The following NET1 variants were observed in gnomAD, a reference collection of about 807,000 sequenced individuals.
NET1 encodes the protein neuroepithelial cell-transforming gene 1 protein.
Under a neutral mutation model 61.1 loss-of-function variants are expected in NET1, and 42 were observed. The ratio of observed to expected loss-of-function variants is 0.69; its 90% CI spans 0.54 to 0.89. The LOEUF is 0.89. NET1 is among the 40% of genes least tolerant of loss of function. The probability of loss-of-function intolerance (pLI) is 0.00; values close to 1 mark genes in which losing one functional copy is unlikely to be tolerated. For synonymous variants in NET1, 254 were observed against 281.8 expected, an observed-to-expected ratio of 0.90 and a Z score of 0.99; for missense variants, 654 against 747.3, an observed-to-expected ratio of 0.88 and a Z score of 1.46.
chr10:5,422,594 A>C lies in NET1; in HGVS notation c.129-4061A>C, dbSNP rs946561568. ...GTGGGCAAGGCCTGAGAATTAATGC[A>C]GGACATTAGGATGTCTGGGGTGCTT... On this transcript the variant is annotated intron_variant, in intron 1 of 11. Coordinates refer to ENST00000355029, the MANE Select transcript of NET1 (RefSeq NM_001047160.3). The surrounding 1 kb of genome is among the most constrained non-coding windows in gnomAD (Gnocchi z 4.1). 3.3e-5 allele frequency among the ~76,000 whole-genome samples: 5 copies of C among 152,162 alleles called. No homozygotes were observed. Among genetic ancestry groups the C allele is most frequent in the Admixed American group, 1.3e-4 (2 of 15,286 alleles).
rs1832344406 is a variant in NET1, at chr10:5,431,183, C to T, written c.255+1954C>T. Reference sequence around the variant, plus strand: ...ACCGCGCCCGGCCTTAACTATATCTCTTAAGTCTCTTTTAGTTCATTGGTT... The same window carrying T: ...ACCGCGCCCGGCCTTAACTATATCTTTTAAGTCTCTTTTAGTTCATTGGTT... On this transcript the variant is annotated intron_variant, in intron 3 of 11. Transcript: ENST00000355029. The surrounding 1 kb of genome is among the most constrained non-coding windows in gnomAD (Gnocchi z 4.9). Among the ~76,000 whole-genome samples the T allele has an allele frequency of 6.6e-6, 1 of 152,152 alleles. No homozygotes were observed. Among genetic ancestry groups the T allele is most frequent in the Non-Finnish European group, 1.5e-5 (1 of 68,034 alleles).
rs1011493584 is a variant in NET1 at position 5,427,729 on chromosome 10, A to G, written c.195+1008A>G. Among the ~76,000 whole-genome samples the G allele has an allele frequency of 1.3e-5, 2 of 152,172 alleles. No homozygotes were observed. The highest frequency in any genetic ancestry group is 2.4e-5 in the African/African-American group (1 of 41,438). ...CATTTTCCTAATGTCTTTTAGCTCA[A>G]TTCAAAACAGTGTGTTATAATTTTG... On this transcript the variant is annotated intron_variant, in intron 2 of 11. Coordinates refer to ENST00000355029, the MANE Select transcript of NET1 (RefSeq NM_001047160.3). The surrounding 1 kb of genome is among the most constrained non-coding windows in gnomAD (Gnocchi z 4.1).
In NET1 at chr10:5,415,353, G is replaced by T. The variant is rs1832061769; in HGVS notation, c.128+2533G>T. Among the ~76,000 whole-genome samples the T allele has an allele frequency of 6.6e-6, 1 of 151,956 alleles. No individual in the cohort carries two copies. Among genetic ancestry groups the T allele is most frequent in the Admixed American group, 6.6e-5 (1 of 15,266 alleles). On this transcript the variant is annotated intron_variant, in intron 1 of 11. Transcript: ENST00000355029. This position sits in a 1 kb window ranked among gnomAD's most constrained non-coding sequence, Gnocchi z 4.7. ...TTCTGCCCTAAAACCTAATCTGTCG[G>T]TCTGTAGGAATTTCTCTGTTCTGGA...
chr10:5,419,394 A>G (rs891021972), intron 1 of NET1, among the ~76,000 whole-genome samples: 6 of 152,098 alleles, frequency 3.9e-5, no homozygotes, highest in Non-Finnish European at 8.8e-5. Context: ...GTTTACTCCA[A>G]TCACATTTAA....
chr10:5,439,978 G>T lies in NET1; in HGVS notation c.255+10749G>T, dbSNP rs1019741924. On this transcript the variant is annotated intron_variant, in intron 3 of 11. Coordinates refer to ENST00000355029, the MANE Select transcript of NET1 (RefSeq NM_001047160.3). This position sits in a 1 kb window ranked among gnomAD's most constrained non-coding sequence, Gnocchi z 4.8. ...CTAGCACTGTGCCTAGAAGATGCAAGGTGCAACACCTGTCCTTTCCTGTAG... is the reference window on the plus strand; with the variant it reads ...CTAGCACTGTGCCTAGAAGATGCAATGTGCAACACCTGTCCTTTCCTGTAG... Among the ~76,000 whole-genome samples the T allele has an allele frequency of 6.6e-6, 1 of 152,204 alleles. No homozygotes were observed. The highest frequency in any genetic ancestry group is 1.5e-5 in the Non-Finnish European group (1 of 68,028).
Position 5,427,081 on chromosome 10 carries a change from T to C in NET1, c.195+360T>C, listed in dbSNP as rs1386334024. On this transcript the variant is annotated intron_variant, in intron 2 of 11. Transcript: ENST00000355029. The surrounding 1 kb of genome is among the most constrained non-coding windows in gnomAD (Gnocchi z 4.1). Reference sequence around the variant, plus strand: ...TCTTGGTTGAAAATATAAAAATGCTTGATTGCACATTGTGTATATATATTT... The same window carrying C: ...TCTTGGTTGAAAATATAAAAATGCTCGATTGCACATTGTGTATATATATTT... Among the ~76,000 whole-genome samples the C allele has an allele frequency of 6.6e-6, 1 of 151,960 alleles. No homozygotes were observed. The highest frequency in any genetic ancestry group is 6.6e-5 in the Admixed American group (1 of 15,242).
intron 1 of NET1, among the ~76,000 whole-genome samples, chr10:5,414,920 A>G (rs1564456321): frequency 6.6e-6 from 1 of 152,320 alleles, no homozygotes; most frequent in East Asian, 1.9e-4. Flanking sequence ...TGTGTGAGGT[A>G]GGAAATGATA....
chr10:5,426,581 G>T lies in NET1; in HGVS notation c.129-74G>T. On this transcript the variant is annotated intron_variant, in intron 1 of 11. Coordinates refer to ENST00000355029, the MANE Select transcript of NET1 (RefSeq NM_001047160.3). This position sits in a 1 kb window ranked among gnomAD's most constrained non-coding sequence, Gnocchi z 4.6. ...CGGTTTTGAAAGTATGAAAAGTATA[G>T]CTTTTTATCTGTTTGATGCTCTATT... is the stretch of plus-strand genomic sequence containing the variant. 1 of 1,193,024 alleles carries T rather than the reference G, an allele frequency of 8.4e-7. No individual in the cohort carries two copies. The allele number at this position is 1,193,024 out of a possible 1,614,324, so 73.9% of individuals were successfully genotyped here. A position where few individuals can be genotyped will look rare whatever the true frequency, so the allele number is the denominator to read the frequency against.
rs1414582532 is a variant in NET1, at chr10:5,420,269, G to T, written c.129-6386G>T. Among the ~76,000 whole-genome samples, 1 of 152,184 alleles carries T rather than the reference G, an allele frequency of 6.6e-6. No homozygotes were observed. Among genetic ancestry groups the T allele is most frequent in the African/African-American group, 2.4e-5 (1 of 41,444 alleles). On this transcript the variant is annotated intron_variant, in intron 1 of 11. Transcript: ENST00000355029. The surrounding 1 kb of genome is among the most constrained non-coding windows in gnomAD (Gnocchi z 5.3). Reference sequence around the variant, plus strand: ...CAAGTATACATGGATGTATGTACAAGAAAGTATATCCTAGCACATTTGTGT... The same window carrying T: ...CAAGTATACATGGATGTATGTACAATAAAGTATATCCTAGCACATTTGTGT...
chr10:5,416,892 G>C lies in NET1; in HGVS notation c.128+4072G>C, dbSNP rs1161963502. Among the ~76,000 whole-genome samples the C allele has an allele frequency of 6.6e-6, 1 of 152,162 alleles. No homozygotes were observed. The highest frequency in any genetic ancestry group is 2.4e-5 in the African/African-American group (1 of 41,442). ...CTCTTAGTTTAGCCATCCGTAGGCGGCTTGTATTCATCAGCTCAGTTAGAC... is the reference window on the plus strand; with the variant it reads ...CTCTTAGTTTAGCCATCCGTAGGCGCCTTGTATTCATCAGCTCAGTTAGAC... On this transcript the variant is annotated intron_variant, in intron 1 of 11. Coordinates refer to ENST00000355029, the MANE Select transcript of NET1 (RefSeq NM_001047160.3). This position sits in a 1 kb window ranked among gnomAD's most constrained non-coding sequence, Gnocchi z 6.1.
At chr10:5,438,103 T>C (rs903651646) in intron 3 of NET1, among the ~76,000 whole-genome samples, 3 of 152,196 alleles carry the variant, frequency 2.0e-5, no homozygotes, top group Admixed American at 6.5e-5. Flanking sequence ...AAAGCATTGC[T>C]GAGAGAGAAA....
In NET1 at chr10:5,424,097, T is replaced by G. The variant is rs1832222074; in HGVS notation, c.129-2558T>G. On this transcript the variant is annotated intron_variant, in intron 1 of 11. Coordinates refer to ENST00000355029, the MANE Select transcript of NET1 (RefSeq NM_001047160.3). This position sits in a 1 kb window ranked among gnomAD's most constrained non-coding sequence, Gnocchi z 6.1. ...CAAATGCATTCTGAGGTTAGTGTGG[T>G]CATTTCTAGGGAATAAAGAAATTAG... is the stretch of plus-strand genomic sequence containing the variant. Among the ~76,000 whole-genome samples, 1 of 152,212 alleles carries G rather than the reference T, an allele frequency of 6.6e-6. No individual in the cohort carries two copies. The highest frequency in any genetic ancestry group is 1.5e-5 in the Non-Finnish European group (1 of 68,030).
intron 3 of NET1, among the ~76,000 whole-genome samples, chr10:5,450,255 T>C (rs1254474488): frequency 2.6e-5 from 4 of 152,254 alleles, no homozygotes; most frequent in Non-Finnish European, 5.9e-5. Flanking sequence ...CCTTCAGATT[T>C]CCAAATTCTT....
At position 5,457,093 on chromosome 10, in the gene NET1, C is replaced by A. The variant is rs1258083853; in HGVS notation, c.*99C>A. On this transcript the variant is annotated 3_prime_UTR_variant, in exon 12 of 12. Transcript: ENST00000355029. This position sits in a 1 kb window ranked among gnomAD's most constrained non-coding sequence, Gnocchi z 5.4. Reference sequence around the variant, plus strand: ...GGGAGCATCATAGGGTTACTTTATACCAGTTGTAACATTTTCATTGTTTTT... The same window carrying A: ...GGGAGCATCATAGGGTTACTTTATAACAGTTGTAACATTTTCATTGTTTTT... 1 of 1,160,462 alleles carries A rather than the reference C, an allele frequency of 8.6e-7. No individual in the cohort carries two copies. Among genetic ancestry groups the A allele is most frequent in the Non-Finnish European group, 1.2e-6 (1 of 860,178 alleles). The allele number at this position is 1,160,462 out of a possible 1,614,324, so 71.9% of individuals were successfully genotyped here.
Position 5,416,914 on chromosome 10 carries a change from A to G in NET1, c.128+4094A>G, listed in dbSNP as rs1325223034. On this transcript the variant is annotated intron_variant, in intron 1 of 11. Transcript: ENST00000355029. This position sits in a 1 kb window ranked among gnomAD's most constrained non-coding sequence, Gnocchi z 6.1. Reference sequence around the variant, plus strand: ...GCGGCTTGTATTCATCAGCTCAGTTAGACCCCTGCCTTATTTCAAGGACAG... The same window carrying G: ...GCGGCTTGTATTCATCAGCTCAGTTGGACCCCTGCCTTATTTCAAGGACAG... Among the ~76,000 whole-genome samples the G allele has an allele frequency of 6.6e-6, 1 of 152,160 alleles. No homozygotes were observed. Among genetic ancestry groups the G allele is most frequent in the Non-Finnish European group, 1.5e-5 (1 of 68,024 alleles).
rs1832198947 is a variant in NET1, at chr10:5,422,901, A to C, written c.129-3754A>C. The stretch of plus-strand genomic sequence containing the variant: ...TTTGTTTTTGCCTGATTTGCAAAGA[A>C]ATTGAGAACCTCAGTTGCTTGGCAC... On this transcript the variant is annotated intron_variant, in intron 1 of 11. Transcript: ENST00000355029. The surrounding 1 kb of genome is among the most constrained non-coding windows in gnomAD (Gnocchi z 4.1). Among the ~76,000 whole-genome samples, 1 of 152,226 alleles carries C rather than the reference A, an allele frequency of 6.6e-6. No individual in the cohort carries two copies. Among genetic ancestry groups the C allele is most frequent in the Admixed American group, 6.5e-5 (1 of 15,286 alleles).
rs71388435 is a variant in NET1 at position 5,435,474 on chromosome 10, GAGAT to G, written c.255+6301_255+6304del. Among the ~76,000 whole-genome samples the G allele has an allele frequency of 4.5e-3, 645 of 142,834 alleles. 10 individuals are homozygous for G. Among genetic ancestry groups the G allele is most frequent in the African/African-American group, 0.015 (568 of 37,636 alleles). 93.7% of individuals were successfully genotyped at this position (142,834 alleles called of 152,430 possible). On this transcript the variant is annotated intron_variant, in intron 3 of 11. Transcript: ENST00000355029. The surrounding 1 kb of genome is among the most constrained non-coding windows in gnomAD (Gnocchi z 5.0). ...TTCTACTTTATATGCCTCCGTGCCT[GAGAT>G]AGATAGATAGATAGATAGATAGATA...
In NET1 at chr10:5,426,294, C is replaced by T. The variant is rs995071167; in HGVS notation, c.129-361C>T. Among the ~76,000 whole-genome samples the T allele has an allele frequency of 4.6e-5, 7 of 152,066 alleles. No individual in the cohort carries two copies. The highest frequency in any genetic ancestry group is 1.7e-4 in the African/African-American group (7 of 41,418). ...TGAATATGTTGCTAAATTTTTTGCA[C>T]TTAGGAAGTTTGTTTGCTGTTTTTT... On this transcript the variant is annotated intron_variant, in intron 1 of 11. Coordinates refer to ENST00000355029, the MANE Select transcript of NET1 (RefSeq NM_001047160.3). This position sits in a 1 kb window ranked among gnomAD's most constrained non-coding sequence, Gnocchi z 4.6.
At position 5,446,917 on chromosome 10, in the gene NET1, T is replaced by C; in HGVS notation, c.256-4913T>C. 7.0e-7 allele frequency: 1 copy of C among 1,420,820 alleles called. No homozygotes were observed. Among genetic ancestry groups the C allele is most frequent in the Admixed American group, 1.9e-5 (1 of 51,856 alleles). 88.0% of individuals were successfully genotyped at this position (1,420,820 alleles called of 1,614,324 possible). ...ATGTTTTCTAACTCCACGGAGCTTTTAAAATTTTTAACAAGGTATTAACAG... is the reference window on the plus strand; with the variant it reads ...ATGTTTTCTAACTCCACGGAGCTTTCAAAATTTTTAACAAGGTATTAACAG... On this transcript the variant is annotated intron_variant, in intron 3 of 11. Transcript: ENST00000355029. The surrounding 1 kb of genome is among the most constrained non-coding windows in gnomAD (Gnocchi z 5.0).
Sources: gnomAD v4.1 joint callset for allele counts (sites outside exome capture counted in the v4.1 genomes callset) on GRCh38, gnomAD v4.1.1 for gene constraint, Gnocchi (gnomAD v3.1) non-coding constraint, MANE v1.5 for transcripts, NCBI Gene and HGNC (gene_info 2026-07-23, HGNC 2026-07-21) for gene names.